BBOX1: variants seen among roughly 807,000 people sequenced by gnomAD.
The protein encoded by BBOX1 is gamma-butyrobetaine hydroxylase 1.
BBOX1 carries 35 observed loss-of-function variants against 41.6 expected under a neutral mutation model. The observed-to-expected ratio is 0.84, with a 90% confidence interval of 0.64 to 1.11. The LOEUF (loss-of-function observed/expected upper bound fraction) is 1.11, where lower values mean the gene tolerates loss of function less well. BBOX1 is among the 50% of genes most tolerant of loss of function. The pLI is 0.00. For missense variants in BBOX1, 458 were observed against 460.6 expected, an observed-to-expected ratio of 0.99 and a Z score of 0.05; for synonymous variants, 163 against 154.7, an observed-to-expected ratio of 1.05 and a Z score of -0.40.
intron 4 of BBOX1, among the ~76,000 whole-genome samples, chr11:27,082,661 G>T (rs948202042): frequency 5.3e-5 from 8 of 152,090 alleles, no homozygotes; most frequent in Non-Finnish European, 1.2e-4. Context: ...TGAGAACAAT[G>T]ATAGAGTATC....
chr11:27,127,633 T>C lies in BBOX1; in HGVS notation c.*180T>C. The C allele has an allele frequency of 1.5e-6, 1 of 680,454 alleles. No homozygotes were observed. The allele number at this position is 680,454 out of a possible 1,614,324, so 42.2% of individuals were successfully genotyped here. A position where few individuals can be genotyped will look rare whatever the true frequency, so the allele number is the denominator to read the frequency against. On this transcript the variant is annotated 3_prime_UTR_variant, in exon 9 of 9. Transcript: ENST00000263182. ...ATATACAATGTCAACTTTTTAGATGTTTCACCACTCTTTTGCAAATAAAGC... is the reference window on the plus strand; with the variant it reads ...ATATACAATGTCAACTTTTTAGATGCTTCACCACTCTTTTGCAAATAAAGC...
At chr11:27,044,687 G>A (rs982958606) in intron 2 of BBOX1, among the ~76,000 whole-genome samples, 1 of 152,158 alleles carries the variant, frequency 6.6e-6, no homozygotes, top group Non-Finnish European at 1.5e-5. Context: ...TTATTAAATA[G>A]GAAATCCTTT....
At chr11:27,063,237 G>A (rs986629822) in intron 4 of BBOX1, among the ~76,000 whole-genome samples, 1 of 152,098 alleles carries the variant, frequency 6.6e-6, no homozygotes, top group Non-Finnish European at 1.5e-5. Context: ...AAACATATGG[G>A]TGAAAATGGA....
At chr11:27,098,398 C>A (rs1036798221) in intron 5 of BBOX1, among the ~76,000 whole-genome samples, 1 of 151,934 alleles carries the variant, frequency 6.6e-6, no homozygotes, top group African/African-American at 2.4e-5. Flanking sequence ...CTCTTGATGG[C>A]CCATCAGGAA....
At position 27,125,766 on chromosome 11, in the gene BBOX1, T is replaced by C. The variant is rs917321113; in HGVS notation, c.949T>C (p.Phe317Leu). 1 of 1,613,492 alleles carries C rather than the reference T, an allele frequency of 6.2e-7. No homozygotes were observed. The highest frequency in any genetic ancestry group is 1.3e-5 in the African/African-American group (1 of 74,982). Reference sequence around the variant, plus strand: ...GCCTTTTTATGCTGCTCTGAAGGAGTTTGTTGACCTCATGAACAGCAAAGA... The same window carrying C: ...GCCTTTTTATGCTGCTCTGAAGGAGCTTGTTGACCTCATGAACAGCAAAGA... Reference protein sequence around the residue: ...VQPFYAALKEFVDLMNSKESK... With the variant: ...VQPFYAALKELVDLMNSKESK... The change falls in exon 8 of 9, where the codon TTT becomes CTT. Residue 317 changes from phenylalanine (F) to leucine (L), a missense_variant. By Grantham distance (22) the Phe-to-Leu change is conservative (BLOSUM62 0). Coordinates refer to ENST00000263182, the MANE Select transcript of BBOX1 (RefSeq NM_003986.3).
At chr11:27,103,729 T>A (rs910211891) in intron 5 of BBOX1, among the ~76,000 whole-genome samples, 4 of 152,018 alleles carry the variant, frequency 2.6e-5, no homozygotes, top group Admixed American at 2.6e-4. Flanking sequence ...AAAAATAATA[T>A]TTTATCTTTT....
At chr11:27,060,961 A>G (rs1472391105) in intron 4 of BBOX1, among the ~76,000 whole-genome samples, 6 of 152,162 alleles carry the variant, frequency 3.9e-5, no homozygotes, top group African/African-American at 1.4e-4. Context: ...CAATTACATA[A>G]TTTAGTACCG....
chr11:27,114,960 G>C (rs11029840), intron 5 of BBOX1, among the ~76,000 whole-genome samples: 19,062 of 151,696 alleles, frequency 0.13, 1,493 homozygotes, highest in Non-Finnish European at 0.18. Context: ...CCAAGGTCTT[G>C]GAGAAGGGTA....
At chr11:27,061,811 G>C (rs1590175108) in intron 4 of BBOX1, among the ~76,000 whole-genome samples, 1 of 152,128 alleles carries the variant, frequency 6.6e-6, no homozygotes, top group African/African-American at 2.4e-5. Flanking sequence ...GGAAGACACG[G>C]ATAATTATCA....
intron 5 of BBOX1, among the ~76,000 whole-genome samples, chr11:27,093,609 G>A (rs1858328287): frequency 6.6e-6 from 1 of 151,944 alleles, no homozygotes; most frequent in African/African-American, 2.4e-5. Flanking sequence ...TATATAATCT[G>A]CTTGGGCTGC....
intron 5 of BBOX1, among the ~76,000 whole-genome samples, chr11:27,099,698 G>A (rs1858574337): frequency 6.6e-6 from 1 of 152,124 alleles, no homozygotes; most frequent in African/African-American, 2.4e-5. Flanking sequence ...TGGGCTGTTT[G>A]TAAGCGAGAA....
chr11:27,115,520 T>C lies in BBOX1; in HGVS notation c.602T>C (p.Phe201Ser), dbSNP rs550667973. 1.9e-5 allele frequency: 30 copies of C among 1,611,112 alleles called. No homozygotes were observed. The South Asian group carries it at 3.2e-4, about 17-fold the overall frequency. ...NVAYTTGKLS[F>S]HTDYPALHHP... ...GCTTACACAACTGGGAAGCTAAGCTTTCACACTGATTATCCAGCCCTCCAT... is the reference window on the plus strand; with the variant it reads ...GCTTACACAACTGGGAAGCTAAGCTCTCACACTGATTATCCAGCCCTCCAT... The change falls in exon 6 of 9, where the codon TTT becomes TCT. Residue 201 changes from phenylalanine (F) to serine (S), a missense_variant. Transcript: ENST00000263182.
intron 2 of BBOX1, among the ~76,000 whole-genome samples, chr11:27,047,588 T>C (rs1267924548): frequency 6.6e-6 from 1 of 152,278 alleles, no homozygotes; most frequent in East Asian, 1.9e-4. Flanking sequence ...AATGAATATA[T>C]TTTTTAAAAT....
chr11:27,048,466 GGTGT>G (rs61210047), intron 2 of BBOX1, among the ~76,000 whole-genome samples: 52,509 of 149,472 alleles, frequency 0.35, 9,565 homozygotes, highest in South Asian at 0.5. Context: ...ATAATATTGA[GGTGT>G]GTGTGTGTGT....
intron 5 of BBOX1, among the ~76,000 whole-genome samples, chr11:27,099,874 G>A (rs1858584510): frequency 6.6e-6 from 1 of 152,120 alleles, no homozygotes. Context: ...ACTGCCCAGT[G>A]TTATATCTTC....
At chr11:27,053,673 T>C (rs1234849918) in intron 2 of BBOX1, among the ~76,000 whole-genome samples, 2 of 152,160 alleles carry the variant, frequency 1.3e-5, no homozygotes, top group African/African-American at 4.8e-5. Flanking sequence ...CCCTTTCTCT[T>C]GTCAGGAAAT....
At chr11:27,119,529 A>T in intron 6 of BBOX1, 120 bp from the exon 7 acceptor site, 1 of 583,302 alleles carries the variant, frequency 1.7e-6, no homozygotes. Flanking sequence ...TCTTTAACAC[A>T]GTATCAAAAA....
chr11:27,060,314 C>T (rs535317587), intron 4 of BBOX1, among the ~76,000 whole-genome samples: 1 of 152,172 alleles, frequency 6.6e-6, no homozygotes, highest in South Asian at 2.1e-4. Context: ...CTGCCTGCTC[C>T]CCCTTTCAGC....
chr11:27,051,001 T>C (rs1851654334), intron 2 of BBOX1, among the ~76,000 whole-genome samples: 1 of 152,080 alleles, frequency 6.6e-6, no homozygotes, highest in Admixed American at 6.6e-5. Context: ...TATGTTGAGA[T>C]ACATTCCCTC....
Sources: gnomAD v4.1 joint callset for allele counts (sites outside exome capture counted in the v4.1 genomes callset) on GRCh38, gnomAD v4.1.1 for gene constraint, MANE v1.5 for transcripts, NCBI Gene and HGNC (gene_info 2026-07-23, HGNC 2026-07-21) for gene names.